Variants in GPR149 observed in about 807,000 individuals in gnomAD.
GPR149 encodes the protein G protein-coupled receptor 149, also known as probable G protein-coupled receptor 149.
Under a neutral mutation model 50.2 loss-of-function variants are expected in GPR149, and 50 were observed. The ratio of observed to expected loss-of-function variants is 1.00; its 90% CI spans 0.79 to 1.26. The LOEUF (loss-of-function observed/expected upper bound fraction) is 1.26. Among genes scored for constraint, GPR149 ranks in the 50% most tolerant of loss-of-function variants. GPR149 has a pLI of 0.00. For missense variants in GPR149, 983 were observed against 895.4 expected (o/e 1.10, Z -1.25); for synonymous variants, 405 against 358.2 (o/e 1.13, Z -1.48).
At chr3:154,385,797 G>T (rs1334282239) in intron 3 of GPR149, among the ~76,000 whole-genome samples, 1 of 151,106 alleles carries the variant, frequency 6.6e-6, no homozygotes, top group African/African-American at 2.4e-5. Context: ...CACCTTCCGG[G>T]TTCACACCAT....
intron 3 of GPR149, among the ~76,000 whole-genome samples, chr3:154,387,652 C>T (rs1301234813): frequency 6.6e-6 from 1 of 152,048 alleles, no homozygotes; most frequent in Non-Finnish European, 1.5e-5. Context: ...AATTAAGCTT[C>T]AAAAATCTGT....
At chr3:154,407,685 C>A (rs927203737) in intron 3 of GPR149, among the ~76,000 whole-genome samples, 2 of 134,592 alleles carry the variant, frequency 1.5e-5, no homozygotes, top group Admixed American at 8.2e-5. Flanking sequence ...GTGTATATGT[C>A]ATGTGTATAC....
intron 3 of GPR149, among the ~76,000 whole-genome samples, chr3:154,393,444 T>C (rs1209687835): frequency 2.6e-5 from 4 of 152,042 alleles, no homozygotes; most frequent in Non-Finnish European, 5.9e-5. Context: ...TGAAAAGCCA[T>C]ACATGAGATT....
chr3:154,377,487 T>C (rs1450479392), intron 3 of GPR149, among the ~76,000 whole-genome samples: 1 of 151,660 alleles, frequency 6.6e-6, no homozygotes, highest in Non-Finnish European at 1.5e-5. Context: ...CTGCCTCAGC[T>C]TCCTGAGTGG....
chr3:154,416,196 G>A (rs1326673189), intron 3 of GPR149, among the ~76,000 whole-genome samples: 2 of 151,922 alleles, frequency 1.3e-5, no homozygotes, highest in Admixed American at 1.3e-4. Flanking sequence ...TTTATGGGTC[G>A]TATATTAAAT....
chr3:154,344,182 T>C (rs1412250409), intron 3 of GPR149, among the ~76,000 whole-genome samples: 1 of 152,146 alleles, frequency 6.6e-6, no homozygotes, highest in East Asian at 1.9e-4. Flanking sequence ...TAGAAAACTG[T>C]TATAAACATT....
At chr3:154,338,341 T>C (rs1202247692) in intron 3 of GPR149, 70 bp from the exon 4 acceptor site, 2 of 1,211,988 alleles carry the variant, frequency 1.7e-6, no homozygotes, top group Non-Finnish European at 2.3e-6. Flanking sequence ...GAAATTCATT[T>C]TGTTCATCAG....
chr3:154,356,335 A>G (rs1714222801), intron 3 of GPR149, among the ~76,000 whole-genome samples: 1 of 152,166 alleles, frequency 6.6e-6, no homozygotes, highest in Non-Finnish European at 1.5e-5. Flanking sequence ...GGCCAGGGCA[A>G]TCAGGCAGGA....
chr3:154,341,727 T>G (rs1456420674), intron 3 of GPR149, among the ~76,000 whole-genome samples: 2 of 152,152 alleles, frequency 1.3e-5, no homozygotes, highest in African/African-American at 4.8e-5. Flanking sequence ...AAGTTTCTCT[T>G]AAGATATAGT....
intron 3 of GPR149, among the ~76,000 whole-genome samples, chr3:154,358,118 C>T (rs1462906258): frequency 6.7e-6 from 1 of 148,212 alleles, no homozygotes; most frequent in African/African-American, 2.5e-5. Flanking sequence ...GGAAGGGGAA[C>T]ATCACACACT....
At chr3:154,353,825 C>T (rs967649583) in intron 3 of GPR149, 1 of 660,192 alleles carries the variant, frequency 1.5e-6, no homozygotes, top group South Asian at 1.6e-5. Flanking sequence ...CTTTCAAATA[C>T]AGGACAAGGT....
At chr3:154,381,905 A>C (rs1205423469) in intron 3 of GPR149, among the ~76,000 whole-genome samples, 1 of 152,200 alleles carries the variant, frequency 6.6e-6, no homozygotes, top group African/African-American at 2.4e-5. Context: ...GAAGTAAGGG[A>C]AAATATTATT....
chr3:154,354,925 G>C (rs930863090), intron 3 of GPR149: 2 of 193,566 alleles, frequency 1.0e-5, no homozygotes, highest in African/African-American at 4.7e-5. Context: ...GAATCATTCT[G>C]ATGAAAAATG....
chr3:154,424,186 A>C (rs946153826), intron 2 of GPR149, among the ~76,000 whole-genome samples: 1 of 151,892 alleles, frequency 6.6e-6, no homozygotes, highest in African/African-American at 2.4e-5. Flanking sequence ...GTAACAATAA[A>C]AATTGGTTAA....
At chr3:154,352,884 T>A (rs1339250390) in intron 3 of GPR149, 6 of 902,238 alleles carry the variant, frequency 6.7e-6, no homozygotes, top group Middle Eastern at 3.2e-4. Context: ...TACAAATCCC[T>A]GTCCAGCTCT....
At chr3:154,360,739 T>C (rs533364069) in intron 3 of GPR149, among the ~76,000 whole-genome samples, 2 of 152,202 alleles carry the variant, frequency 1.3e-5, no homozygotes, top group African/African-American at 2.4e-5. Flanking sequence ...TTCATTATTC[T>C]CTCTGCATAT....
chr3:154,353,538 G>C, intron 3 of GPR149: 1 of 939,498 alleles, frequency 1.1e-6, no homozygotes, highest in South Asian at 1.3e-5. Flanking sequence ...ATGACCAGGG[G>C]TTCCAACCAA....
chr3:154,378,697 C>T (rs1274321262), intron 3 of GPR149, among the ~76,000 whole-genome samples: 7 of 152,178 alleles, frequency 4.6e-5, no homozygotes, highest in Non-Finnish European at 4.4e-5. Flanking sequence ...CAGCAATGCA[C>T]GTTTCATTTT....
chr3:154,382,091 T>C (rs1350113426), intron 3 of GPR149, among the ~76,000 whole-genome samples: 1 of 152,190 alleles, frequency 6.6e-6, no homozygotes, highest in African/African-American at 2.4e-5. Context: ...AGTTTTCAAG[T>C]TTTCTTATCC....
Sources: gnomAD v4.1 joint callset for allele counts (sites outside exome capture counted in the v4.1 genomes callset) on GRCh38, gnomAD v4.1.1 for gene constraint, MANE v1.5 for transcripts, NCBI Gene and HGNC (gene_info 2026-07-23, HGNC 2026-07-21) for gene names.